PLXNC1: variants seen among roughly 807,000 people sequenced by gnomAD.
PLXNC1 encodes plexin C1.
PLXNC1 carries 75 observed loss-of-function variants against 178.2 expected under a neutral mutation model. That is an observed-to-expected ratio of 0.42 (90% CI 0.35 to 0.51). The LOEUF (loss-of-function observed/expected upper bound fraction) is 0.51, where lower values mean the gene tolerates loss of function less well. Among genes scored for constraint, PLXNC1 ranks in the 20% least tolerant of loss-of-function variants. PLXNC1 has a pLI of 0.02. For synonymous variants in PLXNC1, 790 were observed against 779.9 expected, an observed-to-expected ratio of 1.01 and a Z score of -0.22; for missense variants, 1,503 against 1,984.4, an observed-to-expected ratio of 0.76 and a Z score of 4.61.
At chr12:94,302,868 C>T (rs1968604633) in intron 28 of PLXNC1, among the ~76,000 whole-genome samples, 1 of 152,080 alleles carries the variant, frequency 6.6e-6, no homozygotes, top group African/African-American at 2.4e-5. Context: ...AATGCCTGCT[C>T]CAGTGCTTAA....
intron 4 of PLXNC1, among the ~76,000 whole-genome samples, chr12:94,196,017 GC>G (rs1391780677): frequency 1.3e-5 from 2 of 152,054 alleles, no homozygotes; most frequent in Non-Finnish European, 2.9e-5. Context: ...CCTTCCTCAA[GC>G]CCCCCAGGCC....
At chr12:94,167,798 T>G (rs1052871587) in intron 1 of PLXNC1, among the ~76,000 whole-genome samples, 34 of 152,352 alleles carry the variant, frequency 2.2e-4, no homozygotes, top group African/African-American at 7.9e-4. Context: ...CCGAGTTCAC[T>G]ATAGAATATT....
At chr12:94,288,461 G>A (rs115872573) in intron 23 of PLXNC1, among the ~76,000 whole-genome samples, 77 of 152,312 alleles carry the variant, frequency 5.1e-4, no homozygotes, top group African/African-American at 1.7e-3. Flanking sequence ...CTAATAGGCC[G>A]CAGAAGGAGC....
intron 24 of PLXNC1, among the ~76,000 whole-genome samples, chr12:94,295,578 C>T (rs903196307): frequency 1.3e-5 from 2 of 152,220 alleles, no homozygotes; most frequent in South Asian, 2.1e-4. Context: ...TGAGAGCCAC[C>T]GTCTTACACC....
chr12:94,163,752 G>C (rs1458101369), intron 1 of PLXNC1, among the ~76,000 whole-genome samples: 1 of 152,200 alleles, frequency 6.6e-6, no homozygotes, highest in South Asian at 2.1e-4. Flanking sequence ...CTCTCCTTTT[G>C]GTCATTTGAG....
chr12:94,173,505 T>A (rs1426199286), intron 2 of PLXNC1, among the ~76,000 whole-genome samples: 1 of 152,188 alleles, frequency 6.6e-6, no homozygotes, highest in East Asian at 1.9e-4. Context: ...GTGCTGGGCA[T>A]TAGAACCAGC....
At chr12:94,263,372 C>T (rs1021596584) in intron 20 of PLXNC1, among the ~76,000 whole-genome samples, 6 of 152,200 alleles carry the variant, frequency 3.9e-5, no homozygotes, top group Non-Finnish European at 8.8e-5. Flanking sequence ...GGAGCATGGG[C>T]AGAGTGTAGG....
At chr12:94,175,216 C>T (rs1321353738) in intron 2 of PLXNC1, among the ~76,000 whole-genome samples, 1 of 152,082 alleles carries the variant, frequency 6.6e-6, no homozygotes, top group Non-Finnish European at 1.5e-5. Flanking sequence ...GTCTCCTTCC[C>T]AGCATTTCTC....
chr12:94,189,966 A>G (rs1249614146), intron 4 of PLXNC1, among the ~76,000 whole-genome samples: 2 of 152,118 alleles, frequency 1.3e-5, no homozygotes, highest in Non-Finnish European at 2.9e-5. Flanking sequence ...AATGATCACA[A>G]TGAGGAGGGA....
chr12:94,294,346 C>G, intron 23 of PLXNC1, 140 bp from the exon 24 acceptor site: 1 of 554,626 alleles, frequency 1.8e-6, no homozygotes, highest in South Asian at 2.0e-5. Context: ...AGCACAGTGC[C>G]CAGAACATAG....
intron 12 of PLXNC1, among the ~76,000 whole-genome samples, chr12:94,244,240 A>G (rs977166716): frequency 3.3e-5 from 5 of 152,250 alleles, no homozygotes; most frequent in African/African-American, 1.2e-4. Context: ...GGAAAGAGAA[A>G]TGAACTTGGT....
At chr12:94,180,304 A>G (rs964763825) in intron 2 of PLXNC1, among the ~76,000 whole-genome samples, 2 of 152,228 alleles carry the variant, frequency 1.3e-5, no homozygotes, top group African/African-American at 2.4e-5. Context: ...TTTTAAGAAC[A>G]TGTTTCATTC....
At position 94,258,800 on chromosome 12, in the gene PLXNC1, A is replaced by G. The variant is rs73368553; in HGVS notation, c.3088-537A>G. On this transcript the variant is annotated intron_variant, in intron 17 of 30. Transcript: ENST00000258526. ...GTCAGACACAGAGAGGTTAGGTAAC[A>G]CATCCCACGTCATGTGACCAGTATG... 2.7e-3 allele frequency among the ~76,000 whole-genome samples: 413 copies of G among 152,372 alleles called. 2 individuals carry two copies. The highest frequency in any genetic ancestry group is 9.6e-3 in the African/African-American group (400 of 41,592).
chr12:94,282,338 C>T lies in PLXNC1; in HGVS notation c.3816C>T (p.Ile1272=), dbSNP rs765418579. The T allele has an allele frequency of 5.9e-5, 96 of 1,614,010 alleles. No homozygotes were observed. In the Middle Eastern group the frequency reaches 8.2e-4, roughly 14 times the overall value. The change falls in exon 23 of 31, where the codon ATC becomes ATT. Residue 1272 remains isoleucine, a synonymous_variant. Coordinates refer to ENST00000258526, the MANE Select transcript of PLXNC1 (RefSeq NM_005761.3). Reference sequence around the variant, plus strand: ...CACGACAGAAAGAACTTCTGGACATCGACAGTTCCTCCGTGATTCTTGAAG... The same window carrying T: ...CACGACAGAAAGAACTTCTGGACATTGACAGTTCCTCCGTGATTCTTGAAG... ...MGTRQKELLD[I]DSSSVILEDG... is the part of the protein sequence containing the mutation.
At chr12:94,194,339 G>A (rs953328726) in intron 4 of PLXNC1, among the ~76,000 whole-genome samples, 1 of 152,130 alleles carries the variant, frequency 6.6e-6, no homozygotes, top group African/African-American at 2.4e-5. Context: ...AGATCCAAAC[G>A]ATATCAGGTC....
chr12:94,296,992 C>T (rs113365332), intron 24 of PLXNC1, among the ~76,000 whole-genome samples, 197 bp from the exon 25 acceptor site: 2 of 152,210 alleles, frequency 1.3e-5, no homozygotes, highest in African/African-American at 4.8e-5. Context: ...TCCAATCCCT[C>T]ACCCGTCCCA....
intron 2 of PLXNC1, among the ~76,000 whole-genome samples, chr12:94,173,926 C>G (rs1233313392): frequency 2.0e-5 from 3 of 152,128 alleles, no homozygotes; most frequent in Non-Finnish European, 4.4e-5. Context: ...TCCTTTGGGG[C>G]CCCAGCTTTA....
intron 5 of PLXNC1, among the ~76,000 whole-genome samples, chr12:94,212,923 G>A (rs1294262804): frequency 6.6e-6 from 1 of 152,026 alleles, no homozygotes; most frequent in Admixed American, 6.5e-5. Flanking sequence ...GTTTCACCGT[G>A]TTGGCCAAGA....
At chr12:94,194,235 T>C (rs561131875) in intron 4 of PLXNC1, among the ~76,000 whole-genome samples, 1 of 152,166 alleles carries the variant, frequency 6.6e-6, no homozygotes, top group Non-Finnish European at 1.5e-5. Context: ...AAACCATTCA[T>C]GAAGGACCCA....
Sources: gnomAD v4.1 joint callset for allele counts (sites outside exome capture counted in the v4.1 genomes callset) on GRCh38, gnomAD v4.1.1 for gene constraint, MANE v1.5 for transcripts, NCBI Gene and HGNC (gene_info 2026-07-23, HGNC 2026-07-21) for gene names.